Variants in SLIT3 observed in about 807,000 individuals in gnomAD.
SLIT3 encodes the protein slit guidance ligand 3, also known as slit homolog 3 protein.
Under a neutral mutation model 184.0 loss-of-function variants are expected in SLIT3, and 68 were observed. The ratio of observed to expected loss-of-function variants is 0.37; its 90% CI spans 0.30 to 0.45. SLIT3 has a LOEUF of 0.45. SLIT3 is among the 20% of genes least tolerant of loss of function. The probability of loss-of-function intolerance (pLI) is 1.00; values close to 1 mark genes in which losing one functional copy is unlikely to be tolerated. For synonymous variants in SLIT3, 831 were observed against 828.6 expected, an observed-to-expected ratio of 1.00 and a Z score of -0.05; for missense variants, 1,707 against 2,026.0, an observed-to-expected ratio of 0.84 and a Z score of 3.02.
intron 4 of SLIT3, among the ~76,000 whole-genome samples, chr5:169,148,140 T>C (rs1055100531): frequency 4.0e-4 from 61 of 152,250 alleles, no homozygotes; most frequent in African/African-American, 1.3e-3. Flanking sequence ...CCTTCCAGAG[T>C]AATCCAGGCC....
intron 4 of SLIT3, among the ~76,000 whole-genome samples, chr5:169,100,433 C>T (rs770401806): frequency 3.3e-5 from 5 of 152,040 alleles, no homozygotes; most frequent in African/African-American, 9.7e-5. Context: ...CCAGGATTGT[C>T]GTAGCACAAA....
At chr5:169,034,487 G>A (rs1247041926) in intron 4 of SLIT3, among the ~76,000 whole-genome samples, 1 of 152,156 alleles carries the variant, frequency 6.6e-6, no homozygotes, top group East Asian at 1.9e-4. Context: ...AGTTTTCTCA[G>A]CACCATTTAT....
chr5:168,896,206 C>T (rs572034607), intron 4 of SLIT3, among the ~76,000 whole-genome samples: 30 of 152,294 alleles, frequency 2.0e-4, no homozygotes, highest in East Asian at 5.8e-4. Flanking sequence ...AGTGAAGGCA[C>T]GGCTCAGGAG....
intron 14 of SLIT3, among the ~76,000 whole-genome samples, chr5:168,766,065 G>A (rs1755334645): frequency 6.6e-6 from 1 of 152,220 alleles, no homozygotes. Context: ...AAGCTCCCAT[G>A]TTTGAATGGA....
chr5:168,696,029 T>TG (rs1451625934), intron 28 of SLIT3, among the ~76,000 whole-genome samples: 2 of 152,150 alleles, frequency 1.3e-5, no homozygotes, highest in East Asian at 3.9e-4. Flanking sequence ...AAGGATGTAA[T>TG]GGCCAGCAAT....
In SLIT3 at chr5:169,259,181, T is replaced by C. The variant is rs192354994; in HGVS notation, c.198-7722A>G. ...TCCACCTCCCAGGTTCAAGTGATCC[T>C]CCCGAGTAGCTGGGATTACAGGTGC... On this transcript the variant is annotated intron_variant, in intron 1 of 35. Coordinates refer to ENST00000519560, the MANE Select transcript of SLIT3 (RefSeq NM_003062.4). 4.1e-3 allele frequency among the ~76,000 whole-genome samples: 628 copies of C among 152,270 alleles called. 2 individuals are homozygous for C. The highest frequency in any genetic ancestry group is 0.014 in the African/African-American group (600 of 41,560).
intron 4 of SLIT3, among the ~76,000 whole-genome samples, chr5:169,190,735 G>GA (rs1013158280): frequency 6.6e-6 from 1 of 152,204 alleles, no homozygotes; most frequent in Admixed American, 6.5e-5. Context: ...CATTTAGCAT[G>GA]AAAAATGCCT....
At chr5:169,126,612 A>G (rs955002779) in intron 4 of SLIT3, among the ~76,000 whole-genome samples, 1 of 152,212 alleles carries the variant, frequency 6.6e-6, no homozygotes, top group African/African-American at 2.4e-5. Flanking sequence ...GCACTACATC[A>G]TCTGCTTTGC....
intron 4 of SLIT3, among the ~76,000 whole-genome samples, chr5:169,078,358 T>C: frequency 6.6e-6 from 1 of 152,152 alleles, no homozygotes; most frequent in African/African-American, 2.4e-5. Context: ...TGTCAGGAAC[T>C]CTGGGGGCTG....
rs770650322 is a variant in SLIT3 at position 168,804,310 on chromosome 5, C to CAAAAAAAA, written c.935+2128_935+2135dup. Among the ~76,000 whole-genome samples, 103 of 52,340 alleles carry CAAAAAAAA rather than the reference C, an allele frequency of 2.0e-3. 1 individual carries two copies. Among genetic ancestry groups the CAAAAAAAA allele is most frequent in the Middle Eastern group, 0.02 (1 of 50 alleles). 34.3% of individuals were successfully genotyped at this position (52,340 alleles called of 152,430 possible). A position where few individuals can be genotyped will look rare whatever the true frequency, so the allele number is the denominator to read the frequency against. Reference sequence around the variant, plus strand: ...GGGTGAGAAGAGTGAAACTCTTTCTCAAAAAAAAAAAAAAAAAAAAAAAAA... The same window carrying CAAAAAAAA: ...GGGTGAGAAGAGTGAAACTCTTTCTCAAAAAAAAAAAAAAAAAAAAAAAAAAAAAAAAA... On this transcript the variant is annotated intron_variant, in intron 9 of 35. Coordinates refer to ENST00000519560, the MANE Select transcript of SLIT3 (RefSeq NM_003062.4).
chr5:169,001,101 A>G (rs565220597), intron 4 of SLIT3, among the ~76,000 whole-genome samples: 70 of 152,368 alleles, frequency 4.6e-4, no homozygotes, highest in Non-Finnish European at 7.3e-4. Flanking sequence ...TACTTTTCAC[A>G]TTTCAAACCA....
chr5:168,868,296 CTTAT>C (rs1561977325), intron 5 of SLIT3, among the ~76,000 whole-genome samples: 1 of 152,234 alleles, frequency 6.6e-6, no homozygotes, highest in Middle Eastern at 3.4e-3. Flanking sequence ...TCTCATTTGA[CTTAT>C]TTATTTTTTG....
intron 3 of SLIT3, among the ~76,000 whole-genome samples, chr5:169,201,102 G>C (rs1204551075): frequency 6.6e-6 from 1 of 152,192 alleles, no homozygotes; most frequent in Admixed American, 6.5e-5. Context: ...TGATGGCTTA[G>C]CTGCAAGTTG....
At chr5:169,097,884 A>G (rs968750374) in intron 4 of SLIT3, among the ~76,000 whole-genome samples, 3 of 152,228 alleles carry the variant, frequency 2.0e-5, no homozygotes, top group African/African-American at 4.8e-5. Context: ...TTTCATGCCA[A>G]CTGAAAAGCT....
intron 1 of SLIT3, among the ~76,000 whole-genome samples, chr5:169,271,430 C>A (rs1766607169): frequency 6.6e-6 from 1 of 152,132 alleles, no homozygotes; most frequent in African/African-American, 2.4e-5. Context: ...ATTTTAAGCT[C>A]AAATTAAAGG....
chr5:168,781,594 T>C (rs1755973608), intron 12 of SLIT3, among the ~76,000 whole-genome samples: 1 of 152,128 alleles, frequency 6.6e-6, no homozygotes, highest in South Asian at 2.1e-4. Flanking sequence ...TATCCTCTCA[T>C]AGAGCAAACA....
intron 5 of SLIT3, among the ~76,000 whole-genome samples, chr5:168,868,761 A>AAG (rs1759405093): frequency 7.1e-6 from 1 of 141,052 alleles, no homozygotes; most frequent in Non-Finnish European, 1.5e-5. Context: ...AAAAAAAAAA[A>AAG]AAAAAGAAAA....
At chr5:168,801,912 T>C (rs1388344847) in intron 9 of SLIT3, among the ~76,000 whole-genome samples, 3 of 151,980 alleles carry the variant, frequency 2.0e-5, no homozygotes, top group Non-Finnish European at 4.4e-5. Context: ...TGGAAAACAC[T>C]GAAGAGAGTC....
chr5:168,682,647 G>A (rs1363231145), intron 32 of SLIT3, among the ~76,000 whole-genome samples: 1 of 152,190 alleles, frequency 6.6e-6, no homozygotes, highest in Non-Finnish European at 1.5e-5. Context: ...GGGGATCTTT[G>A]CTTCAACACT....
Sources: allele counts gnomAD v4.1 joint callset (sites outside exome capture counted in the v4.1 genomes callset), GRCh38; gene constraint gnomAD v4.1.1; transcripts MANE v1.5; gene names NCBI Gene and HGNC (gene_info 2026-07-23, HGNC 2026-07-21).